Variants in SLC9A9 observed in about 807,000 individuals in gnomAD.
SLC9A9 encodes the protein solute carrier family 9 member A9.
In SLC9A9, 62 loss-of-function variants were observed where a neutral mutation model predicts 77.8. That is an observed-to-expected ratio of 0.80 (90% CI 0.65 to 0.98). The LOEUF (loss-of-function observed/expected upper bound fraction) is 0.98, where lower values mean the gene tolerates loss of function less well. Ranked by LOEUF, SLC9A9 falls within the 50% of genes least tolerant of loss-of-function variation. SLC9A9 has a pLI of 0.00. For missense variants in SLC9A9, 775 were observed against 774.9 expected (o/e 1.00, Z 0.00); for synonymous variants, 320 against 283.5 (o/e 1.13, Z -1.29).
chr3:143,471,439 T>C (rs746032306), intron 11 of SLC9A9, among the ~76,000 whole-genome samples: 1 of 152,178 alleles, frequency 6.6e-6, no homozygotes, highest in Admixed American at 6.5e-5. Context: ...TTTTGGGCAA[T>C]AGAGGATTTT....
intron 6 of SLC9A9, among the ~76,000 whole-genome samples, chr3:143,583,172 A>G (rs999204092): frequency 6.6e-6 from 1 of 151,960 alleles, no homozygotes; most frequent in African/African-American, 2.4e-5. Flanking sequence ...AAATAAAAAT[A>G]TATATAAATT....
At chr3:143,665,939 G>C (rs1388573168) in intron 5 of SLC9A9, among the ~76,000 whole-genome samples, 1 of 152,104 alleles carries the variant, frequency 6.6e-6, no homozygotes, top group Non-Finnish European at 1.5e-5. Context: ...TGAAACTATT[G>C]CAATCAATAG....
intron 12 of SLC9A9, among the ~76,000 whole-genome samples, chr3:143,434,648 C>T (rs2034588484): frequency 6.6e-6 from 1 of 152,168 alleles, no homozygotes; most frequent in Admixed American, 6.5e-5. Flanking sequence ...GGCCCATCCC[C>T]CCCATCTCAC....
intron 6 of SLC9A9, among the ~76,000 whole-genome samples, chr3:143,612,414 C>T (rs749948628): frequency 6.6e-6 from 1 of 152,126 alleles, no homozygotes; most frequent in Non-Finnish European, 1.5e-5. Flanking sequence ...GTGGGATAAC[C>T]CTAAGTGAAT....
intron 4 of SLC9A9, among the ~76,000 whole-genome samples, chr3:143,741,984 T>G (rs1272921435): frequency 6.6e-6 from 1 of 152,028 alleles, no homozygotes; most frequent in Non-Finnish European, 1.5e-5. Flanking sequence ...GAGACTAGAT[T>G]GCCTTTGTAG....
At chr3:143,625,099 T>G (rs1393999173) in intron 6 of SLC9A9, among the ~76,000 whole-genome samples, 1 of 152,092 alleles carries the variant, frequency 6.6e-6, no homozygotes, top group Admixed American at 6.6e-5. Flanking sequence ...AAACCACTGC[T>G]CAATGAAATA....
intron 6 of SLC9A9, among the ~76,000 whole-genome samples, chr3:143,644,531 C>T (rs982024044): frequency 6.6e-6 from 1 of 152,134 alleles, no homozygotes; most frequent in Admixed American, 6.5e-5. Flanking sequence ...AACCAGGGAA[C>T]AGGAATGAGA....
Position 143,266,725 on chromosome 3 carries a change from A to C in SLC9A9, c.1915T>G (p.Leu639Val). ...GGYELKLEQT[L>V]GQSQLN is the part of the protein sequence containing the mutation. ...AATTAATTCAACTGGGATTGACCCAAAGTTTGCTCAAGCTTGAGTTCATAG... is the reference window on the plus strand; with the variant it reads ...AATTAATTCAACTGGGATTGACCCACAGTTTGCTCAAGCTTGAGTTCATAG... The change falls in exon 16 of 16, where the codon TTG (leucine) becomes GTG (valine). Residue 639 changes from leucine (L) to valine (V), a missense_variant. Physicochemically the swap from Leu to Val is conservative, Grantham distance 32. Coordinates refer to ENST00000316549, the MANE Select transcript of SLC9A9 (RefSeq NM_173653.4). The C allele has an allele frequency of 6.2e-7, 1 of 1,614,092 alleles. No individual in the cohort carries two copies. The highest frequency in any genetic ancestry group is 8.5e-7 in the Non-Finnish European group (1 of 1,180,018).
At chr3:143,844,078 A>C (rs2009771145) in intron 1 of SLC9A9, among the ~76,000 whole-genome samples, 1 of 152,208 alleles carries the variant, frequency 6.6e-6, no homozygotes, top group Non-Finnish European at 1.5e-5. Flanking sequence ...TATTTTTTAT[A>C]TAATGGATTA....
chr3:143,267,488 T>C (rs542125465), intron 15 of SLC9A9, among the ~76,000 whole-genome samples: 2 of 151,964 alleles, frequency 1.3e-5, no homozygotes, highest in Non-Finnish European at 2.9e-5. Context: ...TAGCTGGGAT[T>C]ACAGGCATGT....
chr3:143,404,090 T>C (rs1384266177), intron 12 of SLC9A9, among the ~76,000 whole-genome samples: 2 of 152,070 alleles, frequency 1.3e-5, no homozygotes, highest in African/African-American at 4.8e-5. Flanking sequence ...AGCTCAAATA[T>C]ATAGTTGGGC....
chr3:143,679,923 A>T (rs914322832), intron 5 of SLC9A9, among the ~76,000 whole-genome samples: 3 of 152,212 alleles, frequency 2.0e-5, no homozygotes, highest in Non-Finnish European at 4.4e-5. Context: ...GAAAAAAATT[A>T]TAACAGATGG....
chr3:143,622,284 G>A (rs369211162), intron 6 of SLC9A9, among the ~76,000 whole-genome samples: 2 of 152,054 alleles, frequency 1.3e-5, no homozygotes, highest in Admixed American at 6.6e-5. Context: ...GATACTCCTC[G>A]AGAAGAGTAA....
chr3:143,743,233 G>GGATA (rs1198839098), intron 4 of SLC9A9, among the ~76,000 whole-genome samples: 20 of 134,450 alleles, frequency 1.5e-4, no homozygotes, highest in African/African-American at 5.5e-4. Flanking sequence ...ATGGATGGAT[G>GGATA]GATGGATGGA....
chr3:143,777,382 T>G (rs932217688), intron 4 of SLC9A9, among the ~76,000 whole-genome samples: 16 of 152,162 alleles, frequency 1.1e-4, no homozygotes. Context: ...AATCCTTTTA[T>G]GAAAAACTCC....
At chr3:143,394,542 C>T (rs577998843) in intron 12 of SLC9A9, among the ~76,000 whole-genome samples, 13 of 152,152 alleles carry the variant, frequency 8.5e-5, no homozygotes, top group Admixed American at 5.2e-4. Context: ...AAAACTGCTA[C>T]AAGACAGGGA....
intron 6 of SLC9A9, among the ~76,000 whole-genome samples, chr3:143,614,825 C>A (rs1403631700): frequency 6.6e-6 from 1 of 152,144 alleles, no homozygotes; most frequent in African/African-American, 2.4e-5. Context: ...CAAAAGATAG[C>A]CATGAGCCCA....
chr3:143,514,342 A>G (rs575108125), intron 9 of SLC9A9, among the ~76,000 whole-genome samples: 1 of 152,252 alleles, frequency 6.6e-6, no homozygotes, highest in East Asian at 1.9e-4. Context: ...ATTTAGCATA[A>G]TTCTTAAGGG....
chr3:143,824,217 A>AT (rs1217503331), intron 2 of SLC9A9, among the ~76,000 whole-genome samples: 1 of 151,862 alleles, frequency 6.6e-6, no homozygotes, highest in Non-Finnish European at 1.5e-5. Context: ...TTTAAAAAAT[A>AT]TTTTTTTCTA....
Sources: allele counts gnomAD v4.1 joint callset (sites outside exome capture counted in the v4.1 genomes callset), GRCh38; gene constraint gnomAD v4.1.1; transcripts MANE v1.5; gene names NCBI Gene and HGNC (gene_info 2026-07-23, HGNC 2026-07-21).